CCDC171: variants seen among roughly 807,000 people sequenced by gnomAD.
CCDC171 encodes coiled-coil domain containing 171, also known as coiled-coil domain-containing protein 171.
In CCDC171, 177 loss-of-function variants were observed where a neutral mutation model predicts 168.2. That is an observed-to-expected ratio of 1.05 (90% confidence interval 0.93 to 1.19). The LOEUF (loss-of-function observed/expected upper bound fraction) is 1.19. Among genes scored for constraint, CCDC171 ranks in the 50% most tolerant of loss-of-function variants. The pLI is 0.00. For synonymous variants in CCDC171, 687 were observed against 540.8 expected, an observed-to-expected ratio of 1.27 and a Z score of -3.75; for missense variants, 1,991 against 1,539.0, an observed-to-expected ratio of 1.29 and a Z score of -4.91.
At chr9:15,556,770 T>C (rs964506310) in intron 1 of CCDC171, among the ~76,000 whole-genome samples, 1 of 151,990 alleles carries the variant, frequency 6.6e-6, no homozygotes, top group Non-Finnish European at 1.5e-5. Flanking sequence ...CAATTTTGGC[T>C]TTTGTTGCCA....
chr9:15,891,932 A>G (rs1335228559), intron 24 of CCDC171, among the ~76,000 whole-genome samples: 3 of 152,152 alleles, frequency 2.0e-5, no homozygotes, highest in Admixed American at 2.0e-4. Context: ...TATGGGACGC[A>G]TGAGGATGGG....
At chr9:15,910,379 G>A (rs1005175337) in intron 24 of CCDC171, among the ~76,000 whole-genome samples, 1 of 152,076 alleles carries the variant, frequency 6.6e-6, no homozygotes, top group African/African-American at 2.4e-5. Flanking sequence ...TTGGCTGTAG[G>A]TATGTGGCTT....
chr9:15,653,756 TTTTA>T (rs2047710456), intron 7 of CCDC171, among the ~76,000 whole-genome samples: 1 of 152,066 alleles, frequency 6.6e-6, no homozygotes, highest in Non-Finnish European at 1.5e-5. Context: ...TAAGGGTTTA[TTTTA>T]TTTATTAATT....
intron 3 of CCDC171, among the ~76,000 whole-genome samples, chr9:16,005,134 C>T (rs542663158): frequency 2.0e-5 from 3 of 152,212 alleles, no homozygotes; most frequent in South Asian, 2.1e-4. Context: ...CTTATCAACC[C>T]GAAAAGAAAT....
At chr9:15,790,447 G>T (rs562661948) in intron 21 of CCDC171, among the ~76,000 whole-genome samples, 1 of 152,164 alleles carries the variant, frequency 6.6e-6, no homozygotes, top group Admixed American at 6.5e-5. Flanking sequence ...GCGGTTGTTT[G>T]TTTTTTTCTT....
chr9:15,854,124 G>A (rs1042857828), intron 23 of CCDC171, among the ~76,000 whole-genome samples: 1 of 150,180 alleles, frequency 6.7e-6, no homozygotes, highest in Non-Finnish European at 1.5e-5. Flanking sequence ...CATAGAATAG[G>A]TTAGGAGATG....
chr9:15,796,315 A>G (rs2058553328), intron 21 of CCDC171, among the ~76,000 whole-genome samples: 1 of 152,202 alleles, frequency 6.6e-6, no homozygotes, highest in African/African-American at 2.4e-5. Flanking sequence ...ATGATGGATA[A>G]TAAGAAATTA....
At chr9:15,965,371 C>T (rs927069642) in intron 25 of CCDC171, among the ~76,000 whole-genome samples, 2 of 152,166 alleles carry the variant, frequency 1.3e-5, no homozygotes, top group Non-Finnish European at 2.9e-5. Flanking sequence ...AAGCCTGAGG[C>T]TAGGCTATAT....
intron 21 of CCDC171, among the ~76,000 whole-genome samples, chr9:15,815,075 G>A (rs1265144856): frequency 2.0e-5 from 3 of 152,188 alleles, no homozygotes; most frequent in African/African-American, 7.2e-5. Context: ...GTCCCAGATG[G>A]TTCTTTTGTG....
chr9:15,959,477 G>T (rs930134142), intron 25 of CCDC171, among the ~76,000 whole-genome samples: 1 of 152,152 alleles, frequency 6.6e-6, no homozygotes, highest in African/African-American at 2.4e-5. Context: ...AGTCTGAAGA[G>T]ATGACTTGTT....
At position 15,805,167 on chromosome 9, in the gene CCDC171, G is replaced by A. The variant is rs1175697532; in HGVS notation, c.3267+20473G>A. ...TCTTTATTAGTCTACCTAGTAGTCT[G>A]TTTTATTAAGTTTTTCAAAAAGCCA... is the stretch of plus-strand genomic sequence containing the variant. On this transcript the variant is annotated intron_variant, in intron 21 of 25. Coordinates refer to ENST00000380701, the MANE Select transcript of CCDC171 (RefSeq NM_173550.4). Among the ~76,000 whole-genome samples, 3 of 150,802 alleles carry A rather than the reference G, an allele frequency of 2.0e-5. No homozygotes were observed. The South Asian group carries it at 6.2e-4, about 31-fold the overall frequency.
At chr9:15,553,881 T>G (rs1201780306) in intron 1 of CCDC171, among the ~76,000 whole-genome samples, 1 of 151,306 alleles carries the variant, frequency 6.6e-6, no homozygotes, top group East Asian at 1.9e-4. Flanking sequence ...AAATACATAT[T>G]TCATGTATAC....
chr9:15,644,980 G>A (rs1416252046), intron 7 of CCDC171, among the ~76,000 whole-genome samples: 1 of 152,172 alleles, frequency 6.6e-6, no homozygotes, highest in East Asian at 1.9e-4. Flanking sequence ...AGCCTACCTG[G>A]GAGGCATCCC....
At chr9:16,046,330 C>A (rs1175945112) in intron 1 of CCDC171, among the ~76,000 whole-genome samples, 1 of 152,082 alleles carries the variant, frequency 6.6e-6, no homozygotes, top group African/African-American at 2.4e-5. Context: ...GGCTGCCAGG[C>A]TTTTTGAGGC....
At chr9:16,065,841 T>TGTGTGTGTGCGC (rs1015627458), downstream of CCDC171, among the ~76,000 whole-genome samples, 3 of 149,126 alleles carry the variant, frequency 2.0e-5, no homozygotes, top group African/African-American at 7.4e-5. Context: ...TGTGTGTGTG[T>TGTGTGTGTGCGC]GTGCTGATTA....
intron 25 of CCDC171, among the ~76,000 whole-genome samples, chr9:15,947,601 A>T (rs1488792817): frequency 5.3e-5 from 8 of 152,000 alleles, no homozygotes; most frequent in African/African-American, 1.9e-4. Flanking sequence ...CTGCTTATTC[A>T]GTCATCCATT....
intron 3 of CCDC171, among the ~76,000 whole-genome samples, chr9:16,006,159 A>G (rs1408259825): frequency 6.6e-6 from 1 of 152,074 alleles, no homozygotes; most frequent in Admixed American, 6.6e-5. Context: ...TCTCTGCCCA[A>G]CCAAGAAGGT....
At chr9:15,792,928 T>C (rs925660789) in intron 21 of CCDC171, among the ~76,000 whole-genome samples, 2 of 151,968 alleles carry the variant, frequency 1.3e-5, no homozygotes, top group Admixed American at 1.3e-4. Context: ...ATGAGCAAAA[T>C]AACCAGCTAA....
intron 21 of CCDC171, among the ~76,000 whole-genome samples, chr9:15,785,575 A>G (rs545968616): frequency 6.6e-6 from 1 of 152,208 alleles, no homozygotes; most frequent in African/African-American, 2.4e-5. Flanking sequence ...ACTGTATGGG[A>G]TTATAAAACA....
Sources: gnomAD v4.1 joint callset for allele counts (sites outside exome capture counted in the v4.1 genomes callset) on GRCh38, gnomAD v4.1.1 for gene constraint, MANE v1.5 for transcripts, NCBI Gene and HGNC (gene_info 2026-07-23, HGNC 2026-07-21) for gene names.